PLEKHA1: variants seen among roughly 807,000 people sequenced by gnomAD.
PLEKHA1 encodes pleckstrin homology domain containing A1.
A neutral mutation model predicts 52.0 loss-of-function variants in PLEKHA1; 34 were observed. The observed-to-expected ratio is 0.65, with a 90% confidence interval of 0.50 to 0.87. PLEKHA1 has a LOEUF of 0.87. Ranked by LOEUF, PLEKHA1 falls within the 40% of genes least tolerant of loss-of-function variation. The probability of loss-of-function intolerance (pLI) is 0.00; values close to 1 mark genes in which losing one functional copy is unlikely to be tolerated. For synonymous variants in PLEKHA1, 163 were observed against 170.7 expected (o/e 0.95, Z 0.35); for missense variants, 497 against 504.2 (o/e 0.99, Z 0.14).
intron 9 of PLEKHA1, 67 bp from the exon 10 acceptor site, chr10:122,424,824 ACTGGG>A: frequency 8.0e-7 from 1 of 1,248,076 alleles, no homozygotes; most frequent in South Asian, 1.3e-5. Context: ...CATACTGGGT[ACTGGG>A]TAAACAAATG....
At chr10:122,380,372 A>C (rs1320864387) in intron 1 of PLEKHA1, among the ~76,000 whole-genome samples, 6 of 152,212 alleles carry the variant, frequency 3.9e-5, no homozygotes, top group African/African-American at 1.4e-4. Flanking sequence ...TAAATAAGTA[A>C]ACTGTATCAT....
chr10:122,394,795 C>T (rs1199758375), intron 2 of PLEKHA1, among the ~76,000 whole-genome samples: 1 of 152,162 alleles, frequency 6.6e-6, no homozygotes, highest in Non-Finnish European at 1.5e-5. Flanking sequence ...TTCACAAGGT[C>T]TGGTTGACAT....
Position 122,397,976 on chromosome 10 carries a change from T to C in PLEKHA1, c.198+2T>C. 1 of 1,604,752 alleles carries C rather than the reference T, an allele frequency of 6.2e-7. No homozygotes were observed. Among genetic ancestry groups the C allele is most frequent in the South Asian group, 1.1e-5 (1 of 90,538 alleles). ...ATTAAGCTTACCTACATTTCAAAGG[T>C]AGTCTTTATACATTGTCTTATACTC... is the stretch of plus-strand genomic sequence containing the variant. On this transcript the variant is annotated splice_donor_variant, in intron 3 of 11. Coordinates refer to ENST00000368990, the MANE Select transcript of PLEKHA1 (RefSeq NM_001001974.4). LOFTEE classifies it high-confidence loss of function.
At chr10:122,387,396 C>A (rs1309795293) in intron 1 of PLEKHA1, 1 of 152,010 alleles carries the variant, frequency 6.6e-6, no homozygotes, top group Non-Finnish European at 1.5e-5. Flanking sequence ...TCTTCTTTTA[C>A]CCATATTTTA....
In PLEKHA1 at chr10:122,427,013, C is replaced by A. The variant is rs577177537; in HGVS notation, c.882C>A (p.Pro294=). The A allele has an allele frequency of 1.9e-6, 3 of 1,613,774 alleles. No individual in the cohort carries two copies. The highest frequency in any genetic ancestry group is 4.5e-5 in the East Asian group (2 of 44,874). The change falls in exon 11 of 12, where the codon CCC becomes CCA. Residue 294 remains proline (P), a synonymous_variant. Coordinates refer to ENST00000368990, the MANE Select transcript of PLEKHA1 (RefSeq NM_001001974.4). ...GCGCCATTGTAGCACAGCGGGGTCC[C>A]GGCAGATCTGCGTCTTCTGTAGGTT... ...VSGAIVAQRG[P]GRSASSEHPP...
chr10:122,429,631 C>T lies in PLEKHA1; in HGVS notation c.908C>T (p.Pro303Leu), dbSNP rs1319878590. Residue 303 changes from proline (P) to leucine (L), a missense_variant, in exon 12 of 12, where the codon CCC becomes CTC. Pro to Leu is a moderately conservative substitution (Grantham distance 98). Transcript: ENST00000368990. ...GPGRSASSEH[P>L]PGPSESKHAF... Reference sequence around the variant, plus strand: ...TGCCACTCCTTTTTGCAGGAGCATCCCCCCGGTCCTTCAGAATCCAAACAC... The same window carrying T: ...TGCCACTCCTTTTTGCAGGAGCATCTCCCCGGTCCTTCAGAATCCAAACAC... 1.9e-6 allele frequency: 3 copies of T among 1,613,068 alleles called. No homozygotes were observed. Among genetic ancestry groups the T allele is most frequent in the Non-Finnish European group, 1.7e-6 (2 of 1,179,310 alleles).
chr10:122,398,067 T>G lies in PLEKHA1; in HGVS notation c.198+93T>G, dbSNP rs2096875088. On this transcript the variant is annotated intron_variant, in intron 3 of 11. Transcript: ENST00000368990. ...GCAGCAGTTTCCTTTCCATGTCCTT[T>G]AACAGTGATGTTCAGATTCCTATCA... 3.0e-6 allele frequency: 3 copies of G among 1,000,260 alleles called. No individual in the cohort carries two copies. In the African/African-American group the frequency reaches 4.8e-5, roughly 16 times the overall value. 62.0% of individuals were successfully genotyped at this position (1,000,260 alleles called of 1,614,324 possible).
the PLEKHA1 span, chr10:122,440,423 CTAT>C: frequency 3.2e-3 from 494 of 152,322 alleles, 1 homozygote; most frequent in African/African-American, 0.011. Flanking sequence ...CACCTTCCTG[CTAT>C]TATTTGTGCT....
chr10:122,374,784 G>C lies in PLEKHA1; in HGVS notation c.-43G>C, dbSNP rs1021376313. ...GTGGGAGCCGGGGCCGCGGCGGCGCGGGTGCTCCGGGCCGAGGCCGCGGTA... is the reference window on the plus strand; with the variant it reads ...GTGGGAGCCGGGGCCGCGGCGGCGCCGGTGCTCCGGGCCGAGGCCGCGGTA... On this transcript the variant is annotated 5_prime_UTR_variant, in exon 1 of 12. Transcript: ENST00000368990. 6.6e-6 allele frequency: 1 copy of C among 151,630 alleles called. No individual in the cohort carries two copies. The highest frequency in any genetic ancestry group is 6.6e-5 in the Admixed American group (1 of 15,204). The allele number at this position is 151,630 out of a possible 1,614,324, so 9.4% of individuals were successfully genotyped here.
intron 1 of PLEKHA1, among the ~76,000 whole-genome samples, chr10:122,382,738 C>G (rs1303682755): frequency 6.6e-6 from 1 of 152,124 alleles, no homozygotes; most frequent in East Asian, 1.9e-4. Context: ...GTTTGTACCT[C>G]TTTTCTCTCA....
At chr10:122,400,430 A>G in intron 4 of PLEKHA1, 42 bp downstream of exon 4, 8 of 1,506,170 alleles carry the variant, frequency 5.3e-6, no homozygotes, top group Non-Finnish European at 7.2e-6. Flanking sequence ...GACTGATATA[A>G]TTGTATCATA....
At position 122,430,059 on chromosome 10, in the gene PLEKHA1, T is replaced by TTG; in HGVS notation, c.*121_*122insTG. 9.2e-7 allele frequency: 1 copy of TTG among 1,081,156 alleles called. No homozygotes were observed. The highest frequency in any genetic ancestry group is 1.3e-6 in the Non-Finnish European group (1 of 772,932). The allele number at this position is 1,081,156 out of a possible 1,614,324, so 67.0% of individuals were successfully genotyped here. A position where few individuals can be genotyped will look rare whatever the true frequency, so the allele number is the denominator to read the frequency against. ...TGCGTATATTATACTGCCTCTTAGGTGTACTCTTTATAAGCTGGTAAACCA... is the reference window on the plus strand; with the variant it reads ...TGCGTATATTATACTGCCTCTTAGGTTGGTACTCTTTATAAGCTGGTAAACCA... On this transcript the variant is annotated 3_prime_UTR_variant, in exon 12 of 12. Transcript: ENST00000368990.
chr10:122,393,417 T>G lies in PLEKHA1; in HGVS notation c.141+76T>G. The stretch of plus-strand genomic sequence containing the variant: ...AAGTATTTAACATACTATACAGGCT[T>G]TAGATTTGTCTTCTTAAGCAGTATA... On this transcript the variant is annotated intron_variant, in intron 2 of 11. Coordinates refer to ENST00000368990, the MANE Select transcript of PLEKHA1 (RefSeq NM_001001974.4). The surrounding 1 kb of genome is among the most constrained non-coding windows in gnomAD (Gnocchi z 4.5). The G allele has an allele frequency of 3.1e-6, 4 of 1,287,730 alleles. No individual in the cohort carries two copies. The highest frequency in any genetic ancestry group is 3.9e-6 in the Non-Finnish European group (4 of 1,013,690). 79.8% of individuals were successfully genotyped at this position (1,287,730 alleles called of 1,614,324 possible). A position where few individuals can be genotyped will look rare whatever the true frequency, so the allele number is the denominator to read the frequency against.
chr10:122,395,757 A>G (rs1042588740), intron 2 of PLEKHA1, among the ~76,000 whole-genome samples: 2 of 152,194 alleles, frequency 1.3e-5, no homozygotes, highest in East Asian at 3.9e-4. Context: ...ACCACTAACC[A>G]TGGGTTTAAA....
downstream of PLEKHA1, chr10:122,436,298 A>G (rs2097437292): frequency 6.6e-6 from 1 of 152,220 alleles, no homozygotes; most frequent in Admixed American, 6.5e-5. Context: ...ATGACATATT[A>G]TTTATACATA....
At chr10:122,437,529 T>G in the PLEKHA1 span, 1 of 152,216 alleles carries the variant, frequency 6.6e-6, no homozygotes, top group South Asian at 2.1e-4. Flanking sequence ...TATTGAAGGC[T>G]TTGAAACTGG....
At chr10:122,434,303 GC>G (rs1346730667), downstream of PLEKHA1, 1 of 152,078 alleles carries the variant, frequency 6.6e-6, no homozygotes, top group Non-Finnish European at 1.5e-5. Context: ...GTAGAATTAG[GC>G]TAACAATACA....
At chr10:122,418,493 T>C (rs2097211556) in intron 8 of PLEKHA1, 1 of 152,394 alleles carries the variant, frequency 6.6e-6, no homozygotes, top group African/African-American at 2.4e-5. Context: ...AAAATAGGTA[T>C]TAAGTATTGT....
At chr10:122,410,078 T>G (rs777662054) in intron 5 of PLEKHA1, among the ~76,000 whole-genome samples, 5 of 152,184 alleles carry the variant, frequency 3.3e-5, no homozygotes, top group Non-Finnish European at 5.9e-5. Flanking sequence ...CCACCGCGCC[T>G]AGCCCAACAT....
Sources: gnomAD v4.1 joint callset for allele counts (sites outside exome capture counted in the v4.1 genomes callset) on GRCh38, gnomAD v4.1.1 for gene constraint, Gnocchi (gnomAD v3.1) non-coding constraint, MANE v1.5 for transcripts, NCBI Gene and HGNC (gene_info 2026-07-23, HGNC 2026-07-21) for gene names.